The following SMARCC1 variants were observed in gnomAD, a reference collection of about 807,000 sequenced individuals.
The protein encoded by SMARCC1 is SWI/SNF related BAF chromatin remodeling complex subunit C1.
A neutral mutation model predicts 147.4 loss-of-function variants in SMARCC1; 43 were observed. That is an observed-to-expected ratio of 0.29 (90% CI 0.23 to 0.38). SMARCC1 has a LOEUF of 0.38. Among genes scored for constraint, SMARCC1 ranks in the 10% least tolerant of loss-of-function variants. The pLI, the probability that SMARCC1 is intolerant of heterozygous loss-of-function variation, is 1.00. For missense variants in SMARCC1, 1,119 were observed against 1,381.1 expected (o/e 0.81, Z 3.01); for synonymous variants, 495 against 484.4 (o/e 1.02, Z -0.29).
chr3:47,678,555 A>C (rs908440030), intron 15 of SMARCC1, among the ~76,000 whole-genome samples: 1 of 152,186 alleles, frequency 6.6e-6, no homozygotes, highest in African/African-American at 2.4e-5. Flanking sequence ...GTGAAGTAAC[A>C]TAAATTCAAA....
intron 21 of SMARCC1, among the ~76,000 whole-genome samples, chr3:47,640,656 G>A (rs1378901164): frequency 6.6e-6 from 1 of 152,062 alleles, no homozygotes; most frequent in Non-Finnish European, 1.5e-5. Flanking sequence ...AACTCTTAGG[G>A]AAAAGATTAT....
chr3:47,764,598 G>A (rs1229931850), intron 2 of SMARCC1, among the ~76,000 whole-genome samples: 1 of 152,044 alleles, frequency 6.6e-6, no homozygotes, highest in African/African-American at 2.4e-5. Context: ...CCTCTGCCTG[G>A]AATACTAGTC....
intron 25 of SMARCC1, among the ~76,000 whole-genome samples, chr3:47,621,818 T>TAAA (rs775171684): frequency 7.7e-6 from 1 of 129,510 alleles, no homozygotes; most frequent in Non-Finnish European, 1.7e-5. Context: ...ATTAAAACTT[T>TAAA]AAAAAAAAAA....
chr3:47,726,061 CAAAAAAAAAAAA>C (rs546659321), intron 6 of SMARCC1, among the ~76,000 whole-genome samples: 1 of 50,782 alleles, frequency 2.0e-5, no homozygotes, highest in Non-Finnish European at 3.5e-5. Flanking sequence ...GACTCTGTCT[CAAAAAAAAAAAA>C]AAAAAAAAGG....
At chr3:47,712,490 G>C (rs1358777532) in intron 8 of SMARCC1, among the ~76,000 whole-genome samples, 1 of 152,058 alleles carries the variant, frequency 6.6e-6, no homozygotes, top group Non-Finnish European at 1.5e-5. Context: ...GAAATCTCCT[G>C]AGAAAGAATG....
intron 2 of SMARCC1, among the ~76,000 whole-genome samples, chr3:47,767,791 C>G (rs1176207639): frequency 4.0e-5 from 6 of 151,526 alleles, no homozygotes; most frequent in Non-Finnish European, 7.4e-5. Context: ...TAGTTTGAAC[C>G]CGGGAGGCAG....
intron 24 of SMARCC1, among the ~76,000 whole-genome samples, chr3:47,633,761 AAAAT>A (rs1292049068): frequency 3.2e-5 from 1 of 31,510 alleles, no homozygotes; most frequent in African/African-American, 6.7e-5. Flanking sequence ...AAAAAAAAAA[AAAAT>A]ATATATATAT....
Position 47,610,166 on chromosome 3 carries a change from T to C in SMARCC1, c.2943A>G (p.Pro981=), listed in dbSNP as rs1223708994. The change falls in exon 26 of 28, where the codon CCA becomes CCG. Residue 981 remains proline, a synonymous_variant. Coordinates refer to ENST00000254480, the MANE Select transcript of SMARCC1 (RefSeq NM_003074.4). The part of the protein sequence containing the change: ...HQHSGGPGLA[P]LGAAGHPGMM... The stretch of plus-strand genomic sequence containing the variant: ...TGCCAGGGTGCCCTGCTGCTCCAAG[T>C]GGGGCCAGGCCAGGTCCTCCTGAGT... 5.6e-6 allele frequency: 9 copies of C among 1,613,972 alleles called. No homozygotes were observed. The highest frequency in any genetic ancestry group is 1.3e-5 in the African/African-American group (1 of 74,928).
At chr3:47,712,593 GT>G (rs746605197) in intron 8 of SMARCC1, among the ~76,000 whole-genome samples, 11 of 152,158 alleles carry the variant, frequency 7.2e-5, no homozygotes, top group Non-Finnish European at 1.6e-4. Flanking sequence ...CCTAAGCACA[GT>G]GAAATAATGC....
chr3:47,751,352 C>A (rs551211623), intron 2 of SMARCC1, among the ~76,000 whole-genome samples: 138 of 151,992 alleles, frequency 9.1e-4, no homozygotes, highest in African/African-American at 3.2e-3. Context: ...ACCAGCCTGG[C>A]CAATATGGGG....
intron 11 of SMARCC1, among the ~76,000 whole-genome samples, chr3:47,698,437 GTATAA>G (rs2033880298): frequency 6.6e-6 from 1 of 152,094 alleles, no homozygotes; most frequent in African/African-American, 2.4e-5. Flanking sequence ...TACAGTGGAG[GTATAA>G]TATAATTGGA....
At chr3:47,623,621 TTAAA>T (rs2032766892) in intron 24 of SMARCC1, among the ~76,000 whole-genome samples, 1 of 152,280 alleles carries the variant, frequency 6.6e-6, no homozygotes, top group African/African-American at 2.4e-5. Flanking sequence ...CACCAAAACT[TTAAA>T]TAAATATTAT....
intron 18 of SMARCC1, 59 bp downstream of exon 18, chr3:47,675,416 G>A: frequency 3.9e-6 from 3 of 774,570 alleles, no homozygotes; most frequent in Middle Eastern, 5.7e-4. Context: ...CTCATTAGAT[G>A]TATCTTAGAA....
At chr3:47,730,729 G>T (rs1350102071) in intron 5 of SMARCC1, among the ~76,000 whole-genome samples, 1 of 151,976 alleles carries the variant, frequency 6.6e-6, no homozygotes, top group African/African-American at 2.4e-5. Context: ...AGCCAAGTGT[G>T]GTGGCAGACG....
chr3:47,674,163 C>T (rs1022605774), intron 18 of SMARCC1, among the ~76,000 whole-genome samples: 3 of 152,210 alleles, frequency 2.0e-5, no homozygotes, highest in Admixed American at 6.5e-5. Context: ...AATTTCTACA[C>T]GTTATAAATC....
intron 25 of SMARCC1, 29 bp from the exon 26 acceptor site, chr3:47,610,356 G>T: frequency 1.2e-6 from 2 of 1,613,082 alleles, no homozygotes; most frequent in South Asian, 2.2e-5. Flanking sequence ...GAAGAGAAAT[G>T]ACACCAGAAG....
rs888869393 is a variant in SMARCC1 at position 47,769,418 on chromosome 3, G to A, written c.315+3399C>T. Among the ~76,000 whole-genome samples, 6 of 151,790 alleles carry A rather than the reference G, an allele frequency of 4.0e-5. No homozygotes were observed. In the South Asian group the frequency reaches 6.2e-4, roughly 16 times the overall value. On this transcript the variant is annotated intron_variant, in intron 2 of 27. Coordinates refer to ENST00000254480, the MANE Select transcript of SMARCC1 (RefSeq NM_003074.4). ...GTAATCCCAGCTACTTAGTAGAGAC[G>A]GGGTTTCACCTTGTTAGCCAGGATG...
intron 2 of SMARCC1, among the ~76,000 whole-genome samples, chr3:47,752,766 A>C (rs2034642664): frequency 6.6e-6 from 1 of 152,116 alleles, no homozygotes. Context: ...TGAAAAAAAC[A>C]AACAAAAAAA....
At chr3:47,765,733 T>A in intron 2 of SMARCC1, among the ~76,000 whole-genome samples, 1 of 151,920 alleles carries the variant, frequency 6.6e-6, no homozygotes, top group South Asian at 2.1e-4. Flanking sequence ...AGTTGCAAAT[T>A]AATTTTTTTT....
Sources: gnomAD v4.1 joint callset for allele counts (sites outside exome capture counted in the v4.1 genomes callset) on GRCh38, gnomAD v4.1.1 for gene constraint, MANE v1.5 for transcripts, NCBI Gene and HGNC (gene_info 2026-07-23, HGNC 2026-07-21) for gene names.